The following ACOT8 variants were observed in gnomAD, a reference collection of about 807,000 sequenced individuals.
ACOT8 encodes acyl-coenzyme A thioesterase 8.
Under a neutral mutation model 38.4 loss-of-function variants are expected in ACOT8, and 31 were observed. The ratio of observed to expected loss-of-function variants is 0.81; its 90% CI spans 0.61 to 1.09. The LOEUF (loss-of-function observed/expected upper bound fraction) is 1.09. Among genes scored for constraint, ACOT8 ranks in the 50% least tolerant of loss-of-function variants. ACOT8 has a pLI of 0.00. For missense variants in ACOT8, 373 were observed against 421.8 expected (o/e 0.88, Z 1.01); for synonymous variants, 158 against 170.3 (o/e 0.93, Z 0.56).
rs1984829951 is a variant in ACOT8, at chr20:45,848,435, C to G, written c.488+15G>C. The G allele has an allele frequency of 1.9e-6, 3 of 1,562,300 alleles. No individual in the cohort carries two copies. Among genetic ancestry groups the G allele is most frequent in the Non-Finnish European group, 8.7e-7 (1 of 1,149,588 alleles). On this transcript the variant is annotated intron_variant, in intron 3 of 5. Transcript: ENST00000217455. ...CATTTTGAAAAGTCTGCCATGGAGCCTCCAGGTCTCTCACCTTAAATACTG... is the reference window on the plus strand; with the variant it reads ...CATTTTGAAAAGTCTGCCATGGAGCGTCCAGGTCTCTCACCTTAAATACTG...
At chr20:45,855,747 C>A (rs1282851123) in intron 1 of ACOT8, among the ~76,000 whole-genome samples, 1 of 151,316 alleles carries the variant, frequency 6.6e-6, no homozygotes, top group Non-Finnish European at 1.5e-5. Context: ...AGCAAGACTC[C>A]ATCTCAAAAA....
intron 1 of ACOT8, among the ~76,000 whole-genome samples, chr20:45,856,453 G>A (rs923880710): frequency 4.6e-5 from 7 of 152,150 alleles, no homozygotes; most frequent in Non-Finnish European, 7.3e-5. Flanking sequence ...TGGCAGAGGT[G>A]GGCAGATTAC....
At chr20:45,843,274 G>T in intron 5 of ACOT8, 1 of 671,790 alleles carries the variant, frequency 1.5e-6, no homozygotes, top group Non-Finnish European at 2.6e-6. Context: ...AATCTGAACT[G>T]GTTTTGGGAC....
At chr20:45,842,417 T>A in intron 5 of ACOT8, 1 of 1,154,736 alleles carries the variant, frequency 8.7e-7, no homozygotes, top group Non-Finnish European at 1.1e-6. Flanking sequence ...CCACTTGTGT[T>A]AGGAAAACTA....
intron 4 of ACOT8, 31 bp downstream of exon 4, chr20:45,844,232 T>A (rs1568735261): frequency 6.2e-7 from 1 of 1,613,306 alleles, no homozygotes; most frequent in African/African-American, 1.3e-5. Flanking sequence ...CCTTGGAGAG[T>A]GGTTTCCTCC....
At chr20:45,855,129 T>C in intron 2 of ACOT8, 30 bp downstream of exon 2, 2 of 1,610,262 alleles carry the variant, frequency 1.2e-6, no homozygotes, top group Non-Finnish European at 1.7e-6. Flanking sequence ...GCCACCAGGG[T>C]TGGGTTGGGG....
Position 45,857,392 on chromosome 20 carries a change from C to A in ACOT8, c.-77G>T. On this transcript the variant is annotated 5_prime_UTR_variant, in exon 1 of 6. Coordinates refer to ENST00000217455, the MANE Select transcript of ACOT8 (RefSeq NM_005469.4). Reference sequence around the variant, plus strand: ...CATACACAGAACCTGACTCTTCCGGCAGATTGCCCTAGTAACCGGAAGTCT... The same window carrying A: ...CATACACAGAACCTGACTCTTCCGGAAGATTGCCCTAGTAACCGGAAGTCT... 6.7e-7 allele frequency: 1 copy of A among 1,501,430 alleles called. No homozygotes were observed. 93.0% of individuals were successfully genotyped at this position (1,501,430 alleles called of 1,614,324 possible).
intron 2 of ACOT8, among the ~76,000 whole-genome samples, chr20:45,851,329 GGAATGAAGT>G (rs1364046598): frequency 6.6e-6 from 1 of 152,092 alleles, no homozygotes; most frequent in Admixed American, 6.5e-5. Flanking sequence ...TCAGACACTG[GGAATGAAGT>G]CTTCCTCCCT....
rs1457857155 is a variant in ACOT8 at position 45,841,830 on chromosome 20, A to G, written c.*8T>C. The G allele has an allele frequency of 6.3e-7, 1 of 1,595,024 alleles. No homozygotes were observed. Among genetic ancestry groups the G allele is most frequent in the Non-Finnish European group, 8.5e-7 (1 of 1,173,528 alleles). On this transcript the variant is annotated 3_prime_UTR_variant, in exon 6 of 6. Transcript: ENST00000217455. Reference sequence around the variant, plus strand: ...TCTTGAAGCCCCAGGCGAAGCTGGTACCTCTGGCTACAGCTTGCTCTCTGA... The same window carrying G: ...TCTTGAAGCCCCAGGCGAAGCTGGTGCCTCTGGCTACAGCTTGCTCTCTGA...
rs772020067 is a variant in ACOT8 at position 45,848,640 on chromosome 20, G to A, written c.298C>T (p.Arg100Trp). The change falls in exon 3 of 6, where the codon CGG becomes TGG. Residue 100 changes from arginine (R) to tryptophan (W), a missense_variant. By Grantham distance (101) the Arg-to-Trp change is moderately radical (BLOSUM62 -3). Coordinates refer to ENST00000217455, the MANE Select transcript of ACOT8 (RefSeq NM_005469.4). Reference sequence around the variant, plus strand: ...GAGAAGCTCGACCCTGTTCGTGTCCGCTCCACTTGGTACAGTACTGGCAGC... The same window carrying A: ...GAGAAGCTCGACCCTGTTCGTGTCCACTCCACTTGGTACAGTACTGGCAGC... ...PKLPVLYQVE[R>W]TRTGSSFSVR... 9 of 1,612,990 alleles carry A rather than the reference G, an allele frequency of 5.6e-6. No individual in the cohort carries two copies. The highest frequency in any genetic ancestry group is 3.3e-5 in the Admixed American group (2 of 59,930).
chr20:45,843,321 C>T (rs1369777905), intron 5 of ACOT8: 1 of 784,876 alleles, frequency 1.3e-6, no homozygotes, highest in East Asian at 2.8e-5. Flanking sequence ...AATCACATTT[C>T]CAGCACATTC....
chr20:45,855,095 C>G, intron 2 of ACOT8, 64 bp downstream of exon 2: 1 of 1,595,876 alleles, frequency 6.3e-7, no homozygotes, highest in Non-Finnish European at 8.5e-7. Flanking sequence ...GACCTCAGCC[C>G]CCAAGGCCAG....
rs750166447 is a variant in ACOT8, at chr20:45,848,597, G to A, written c.341C>T (p.Ala114Val). The A allele has an allele frequency of 1.9e-6, 3 of 1,613,874 alleles. No homozygotes were observed. Among genetic ancestry groups the A allele is most frequent in the Non-Finnish European group, 1.7e-6 (2 of 1,180,014 alleles). ...GAAGATGGGCTTCCCATGTTGCACG[G>A]CCTTCACAGAGCGCACCGAGAAGCT... ...GSSFSVRSVK[A>V]VQHGKPIFIC... Residue 114 changes from alanine (A) to valine (V), a missense_variant, in exon 3 of 6, where the codon GCC (alanine) becomes GTC (valine). Transcript: ENST00000217455.
rs761756346 is a variant in ACOT8, at chr20:45,857,346, G to C, written c.-31C>G. On this transcript the variant is annotated 5_prime_UTR_variant, in exon 1 of 6. Transcript: ENST00000217455. The stretch of plus-strand genomic sequence containing the variant: ...TCAATGCTGCAGGCCCTGCACACCC[G>C]CTCCGCGGAAGACGCGGAGACATAC... The C allele has an allele frequency of 6.4e-7, 1 of 1,571,156 alleles. No homozygotes were observed. The highest frequency in any genetic ancestry group is 1.4e-5 in the African/African-American group (1 of 73,802).
At chr20:45,843,463 C>A in intron 5 of ACOT8, 64 bp downstream of exon 5, 2 of 1,565,092 alleles carry the variant, frequency 1.3e-6, no homozygotes, top group Middle Eastern at 1.7e-4. Flanking sequence ...ATCAGCATCA[C>A]CCAAGAAAGC....
chr20:45,852,023 T>C (rs1475304065), intron 2 of ACOT8, among the ~76,000 whole-genome samples: 1 of 152,098 alleles, frequency 6.6e-6, no homozygotes, highest in African/African-American at 2.4e-5. Flanking sequence ...GGAGTCTCGA[T>C]CTGTCGCCCA....
At chr20:45,844,241 C>T (rs1390613374) in intron 4 of ACOT8, 22 bp downstream of exon 4, 2 of 1,614,106 alleles carry the variant, frequency 1.2e-6, no homozygotes, top group Admixed American at 3.3e-5. Context: ...GTGGTTTCCT[C>T]CCATCCATGG....
chr20:45,854,256 C>T (rs889252381), intron 2 of ACOT8, among the ~76,000 whole-genome samples: 1 of 152,158 alleles, frequency 6.6e-6, no homozygotes, highest in Non-Finnish European at 1.5e-5. Flanking sequence ...CTCGCCCAGG[C>T]TGGAGTGCAG....
intron 1 of ACOT8, among the ~76,000 whole-genome samples, chr20:45,856,187 C>T (rs1417744568): frequency 6.6e-6 from 1 of 152,178 alleles, no homozygotes; most frequent in African/African-American, 2.4e-5. Flanking sequence ...TCACTTGGGC[C>T]CAGGAGGTCG....
Sources: gnomAD v4.1 joint callset for allele counts (sites outside exome capture counted in the v4.1 genomes callset) on GRCh38, gnomAD v4.1.1 for gene constraint, MANE v1.5 for transcripts, NCBI Gene and HGNC (gene_info 2026-07-23, HGNC 2026-07-21) for gene names.